Variants in CNR2 observed in about 807,000 individuals in gnomAD.
CNR2 encodes cannabinoid receptor 2, also known as cannabinoid receptor 2 (macrophage).
For synonymous variants in CNR2, 172 were observed against 182.2 expected, an observed-to-expected ratio of 0.94 and a Z score of 0.45; for missense variants, 379 against 439.9, an observed-to-expected ratio of 0.86 and a Z score of 1.24.
chr1:23,886,744 G>C (rs1252764360), intron 1 of CNR2, among the ~76,000 whole-genome samples: 1 of 152,160 alleles, frequency 6.6e-6, no homozygotes, highest in East Asian at 1.9e-4. Flanking sequence ...TCCAAGAATG[G>C]GGATATAATT....
rs559855873 is a variant in CNR2 at position 23,870,561 on chromosome 1, T to C, written c.*3974A>G. 6.6e-6 allele frequency: 1 copy of C among 152,346 alleles called. No homozygotes were observed. Among genetic ancestry groups the C allele is most frequent in the East Asian group, 1.9e-4 (1 of 5,190 alleles). 9.4% of individuals were successfully genotyped at this position (152,346 alleles called of 1,614,324 possible). ...TAGTGGTCTTTAATGTTACAGAGCT[T>C]GTCTTGGGGAAGATAAAATGGGACA... On this transcript the variant is annotated 3_prime_UTR_variant, in exon 2 of 2. Coordinates refer to ENST00000374472, the MANE Select transcript of CNR2 (RefSeq NM_001841.3).
chr1:23,873,316 A>G lies in CNR2; in HGVS notation c.*1219T>C. ...AGTGGTGCAATCTCGGCTCACTGCA[A>G]CCTCTGCCTCCAGGGTTCAAGCAAT... On this transcript the variant is annotated 3_prime_UTR_variant, in exon 2 of 2. Transcript: ENST00000374472. 1 of 152,070 alleles carries G rather than the reference A, an allele frequency of 6.6e-6. No individual in the cohort carries two copies. The highest frequency in any genetic ancestry group is 1.5e-5 in the Non-Finnish European group (1 of 68,014). The allele number at this position is 152,070 out of a possible 1,614,324, so 9.4% of individuals were successfully genotyped here.
chr1:23,897,662 A>G (rs1204906514), intron 1 of CNR2, among the ~76,000 whole-genome samples: 1 of 151,958 alleles, frequency 6.6e-6, no homozygotes, highest in Non-Finnish European at 1.5e-5. Context: ...GGGTTTCACT[A>G]TGTTGGCCAG....
At chr1:23,876,186 T>C (rs1049822748) in intron 1 of CNR2, among the ~76,000 whole-genome samples, 1 of 141,746 alleles carries the variant, frequency 7.1e-6, no homozygotes, top group East Asian at 2.0e-4. Context: ...CAATTTATTT[T>C]ATTTTAATTT....
At chr1:23,884,077 T>TTTTTTTG (rs1640041419) in intron 1 of CNR2, among the ~76,000 whole-genome samples, 1 of 149,306 alleles carries the variant, frequency 6.7e-6, no homozygotes, top group African/African-American at 2.5e-5. Context: ...CTTTATGTCT[T>TTTTTTTG]TTTTTGTTTT....
chr1:23,907,429 A>G (rs1461210373), intron 1 of CNR2, among the ~76,000 whole-genome samples: 11 of 148,506 alleles, frequency 7.4e-5, no homozygotes, highest in Non-Finnish European at 1.5e-4. Flanking sequence ...AAAAAAAACA[A>G]GAGAAAAAAG....
At chr1:23,905,990 T>A (rs1640480700) in intron 1 of CNR2, among the ~76,000 whole-genome samples, 1 of 152,200 alleles carries the variant, frequency 6.6e-6, no homozygotes, top group African/African-American at 2.4e-5. Flanking sequence ...TTCCTGTTCC[T>A]GTTCTGTGTA....
intron 1 of CNR2, chr1:23,902,666 T>A: frequency 1.2e-5 from 19 of 1,595,022 alleles, no homozygotes; most frequent in Non-Finnish European, 1.6e-5. Flanking sequence ...CCCCCGGGGG[T>A]CCCACGACAA....
chr1:23,883,850 AC>A (rs1048958577), intron 1 of CNR2, among the ~76,000 whole-genome samples: 5 of 150,394 alleles, frequency 3.3e-5, no homozygotes, highest in African/African-American at 1.2e-4. Context: ...CAACAAAAAA[AC>A]AAAAACAAAA....
intron 1 of CNR2, among the ~76,000 whole-genome samples, chr1:23,877,980 G>C (rs1199332545): frequency 6.6e-6 from 1 of 151,366 alleles, no homozygotes; most frequent in East Asian, 2.0e-4. Flanking sequence ...AAAAAAGAAT[G>C]TAGCTCTGAA....
chr1:23,890,700 G>A (rs529429080), intron 1 of CNR2, among the ~76,000 whole-genome samples: 3 of 150,440 alleles, frequency 2.0e-5, no homozygotes, highest in African/African-American at 7.3e-5. Context: ...AGCCGAGATC[G>A]CGCCACTGCA....
At chr1:23,881,551 T>C (rs186190598) in intron 1 of CNR2, among the ~76,000 whole-genome samples, 94 of 147,976 alleles carry the variant, frequency 6.4e-4, no homozygotes, top group African/African-American at 2.2e-3. Context: ...ATCACTACAC[T>C]CCAGCCTGGG....
chr1:23,912,527 G>A (rs1478278473), intron 1 of CNR2, among the ~76,000 whole-genome samples: 1 of 152,236 alleles, frequency 6.6e-6, no homozygotes, highest in Non-Finnish European at 1.5e-5. Flanking sequence ...CTCATTCAAT[G>A]CCCGCATGAT....
chr1:23,877,286 C>G (rs939777497), intron 1 of CNR2, among the ~76,000 whole-genome samples: 79 of 152,210 alleles, frequency 5.2e-4, no homozygotes, highest in African/African-American at 1.8e-3. Context: ...AAAAAGAGAT[C>G]CTTAAGGGAT....
intron 1 of CNR2, among the ~76,000 whole-genome samples, chr1:23,898,499 G>A (rs1282189486): frequency 1.3e-5 from 2 of 148,164 alleles, no homozygotes; most frequent in Non-Finnish European, 3.0e-5. Flanking sequence ...CCACCACCAC[G>A]CCCGGCTAAT....
intron 1 of CNR2, among the ~76,000 whole-genome samples, chr1:23,877,398 G>A (rs112254187): frequency 2.6e-5 from 4 of 152,280 alleles, no homozygotes; most frequent in African/African-American, 9.6e-5. Context: ...CACTTTGGGA[G>A]GTCAAGGTGG....
chr1:23,902,541 A>T, intron 1 of CNR2: 1 of 1,608,894 alleles, frequency 6.2e-7, no homozygotes, highest in Non-Finnish European at 8.5e-7. Flanking sequence ...TGCGGGCTCC[A>T]CGTCTGGAAT....
At position 23,881,367 on chromosome 1, in the gene CNR2, C is replaced by T. The variant is rs776969544; in HGVS notation, c.-45-5705G>A. 2.4e-4 allele frequency among the ~76,000 whole-genome samples: 36 copies of T among 151,920 alleles called. 1 individual carries two copies. Among genetic ancestry groups the T allele is most frequent in the African/African-American group, 1.2e-4 (5 of 41,440 alleles). ...ATCCCAACACTTTGAGAGGCCGAGG[C>T]GGGCAGATCACATGAGGCCAGGAGT... On this transcript the variant is annotated intron_variant, in intron 1 of 1. Transcript: ENST00000374472.
intron 1 of CNR2, among the ~76,000 whole-genome samples, chr1:23,889,507 A>G (rs946556751): frequency 6.6e-6 from 1 of 152,120 alleles, no homozygotes; most frequent in African/African-American, 2.4e-5. Context: ...TTAAAAAAAT[A>G]TAGATAGTGT....
Sources: allele counts gnomAD v4.1 joint callset (sites outside exome capture counted in the v4.1 genomes callset), GRCh38; gene constraint gnomAD v4.1.1; transcripts MANE v1.5; gene names NCBI Gene and HGNC (gene_info 2026-07-23, HGNC 2026-07-21).